Variants in ZC3H18 observed in about 807,000 individuals in gnomAD.
ZC3H18 encodes zinc finger CCCH domain-containing protein 18.
A neutral mutation model predicts 106.1 loss-of-function variants in ZC3H18; 8 were observed. That is an observed-to-expected ratio of 0.08 (90% CI 0.04 to 0.14). The LOEUF (loss-of-function observed/expected upper bound fraction) is 0.14, where lower values mean the gene tolerates loss of function less well. ZC3H18 is among the 10% of genes least tolerant of loss of function. The pLI, the probability that ZC3H18 is intolerant of heterozygous loss-of-function variation, is 1.00. For missense variants in ZC3H18, 1,318 were observed against 1,278.4 expected (o/e 1.03, Z -0.47); for synonymous variants, 635 against 522.1 (o/e 1.22, Z -2.95).
At position 88,612,895 on chromosome 16, in the gene ZC3H18, C is replaced by T. The variant is rs1003994007; in HGVS notation, c.1475+1359C>T. Among the ~76,000 whole-genome samples, 9 of 152,068 alleles carry T rather than the reference C, an allele frequency of 5.9e-5. No individual in the cohort carries two copies. In the East Asian group the frequency reaches 7.7e-4, roughly 13 times the overall value. On this transcript the variant is annotated intron_variant, in intron 8 of 17. Coordinates refer to ENST00000301011, the MANE Select transcript of ZC3H18 (RefSeq NM_144604.4). The stretch of plus-strand genomic sequence containing the variant: ...GTGCACCACTGTGGTCCCAGCTACT[C>T]GGGAGGCTAATACGGGAGGATCACT...
At chr16:88,593,601 G>A (rs918399374) in intron 3 of ZC3H18, among the ~76,000 whole-genome samples, 4 of 152,200 alleles carry the variant, frequency 2.6e-5, no homozygotes, top group East Asian at 1.9e-4. Flanking sequence ...AGCCCCTGCC[G>A]GCACCCAAGT....
At chr16:88,626,894 T>C (rs11648195) in intron 13 of ZC3H18, among the ~76,000 whole-genome samples, 1 of 152,196 alleles carries the variant, frequency 6.6e-6, no homozygotes, top group South Asian at 2.1e-4. Context: ...GTCTGCCGTG[T>C]GTTCCTCAGG....
chr16:88,591,787 T>A (rs977098568), intron 3 of ZC3H18, among the ~76,000 whole-genome samples: 4 of 152,250 alleles, frequency 2.6e-5, no homozygotes, highest in Admixed American at 6.5e-5. Context: ...GGTGGTTGTG[T>A]GTTTCATCTT....
At position 88,631,834 on chromosome 16, in the gene ZC3H18, G is replaced by GT; in HGVS notation, c.*539dup. 3.5e-6 allele frequency: 1 copy of GT among 288,516 alleles called. No homozygotes were observed. Among genetic ancestry groups the GT allele is most frequent in the South Asian group, 2.8e-5 (1 of 36,272 alleles). The allele number at this position is 288,516 out of a possible 1,614,324, so 17.9% of individuals were successfully genotyped here. On this transcript the variant is annotated 3_prime_UTR_variant, in exon 18 of 18. Transcript: ENST00000301011. The stretch of plus-strand genomic sequence containing the variant: ...TGTCTTTTATTTTAAGCATCAAATT[G>GT]TTTTAGTTGATTTAAAAAGGAAAAA...
At chr16:88,609,632 C>T (rs1192927559) in intron 7 of ZC3H18, among the ~76,000 whole-genome samples, 1 of 151,994 alleles carries the variant, frequency 6.6e-6, no homozygotes, top group Non-Finnish European at 1.5e-5. Flanking sequence ...CGGAGTTTAA[C>T]TCTGTCACCC....
At chr16:88,625,907 A>G (rs1906281190) in intron 13 of ZC3H18, 1 of 139,334 alleles carries the variant, frequency 7.2e-6, no homozygotes, top group African/African-American at 2.8e-5. Context: ...CAATGGCGCG[A>G]TCTCGCTACC....
chr16:88,623,402 C>A, intron 10 of ZC3H18, 58 bp downstream of exon 10: 1 of 1,591,904 alleles, frequency 6.3e-7, no homozygotes, highest in Non-Finnish European at 8.5e-7. Context: ...AGGGCACCTG[C>A]GGATGTGGCT....
intron 2 of ZC3H18, 147 bp from the exon 3 acceptor site, chr16:88,586,453 G>A (rs934208008): frequency 7.3e-6 from 5 of 689,534 alleles, no homozygotes; most frequent in African/African-American, 5.3e-5. Context: ...GTAGATCTGG[G>A]ACCTAAGATT....
chr16:88,575,036 A>G (rs1234869954), intron 1 of ZC3H18, among the ~76,000 whole-genome samples: 1 of 150,516 alleles, frequency 6.6e-6, no homozygotes, highest in Non-Finnish European at 1.5e-5. Flanking sequence ...TCACCGTGTT[A>G]GCCAGGATGG....
At chr16:88,615,993 C>G (rs973269839) in intron 8 of ZC3H18, among the ~76,000 whole-genome samples, 2 of 152,212 alleles carry the variant, frequency 1.3e-5, no homozygotes, top group Non-Finnish European at 2.9e-5. Flanking sequence ...AGGGCAGATT[C>G]CCGACTGCTG....
rs60956996 is a variant in ZC3H18, at chr16:88,580,882, T to G, written c.603+3156T>G. Among the ~76,000 whole-genome samples, 1,154 of 152,338 alleles carry G rather than the reference T, an allele frequency of 7.6e-3. 24 individuals are homozygous for G. The highest frequency in any genetic ancestry group is 0.027 in the African/African-American group (1,107 of 41,574). On this transcript the variant is annotated intron_variant, in intron 2 of 17. Transcript: ENST00000301011. Reference sequence around the variant, plus strand: ...AGTAGAGCCCTGGTGTCACGTCTACTACCCAGATGTTTCTCTGTGGAAGAA... The same window carrying G: ...AGTAGAGCCCTGGTGTCACGTCTACGACCCAGATGTTTCTCTGTGGAAGAA...
intron 16 of ZC3H18, chr16:88,630,274 A>G (rs1906579698): frequency 1.2e-5 from 6 of 508,984 alleles, no homozygotes; most frequent in Non-Finnish European, 2.1e-5. Context: ...CCTGGGGCCC[A>G]GGTTTGGCCT....
chr16:88,628,942 A>G (rs1906493631), intron 16 of ZC3H18, 88 bp downstream of exon 16: 11 of 1,348,360 alleles, frequency 8.2e-6, no homozygotes, highest in Non-Finnish European at 1.0e-5. Context: ...ATTGCTCTTA[A>G]CAAGTAGGAG....
intron 3 of ZC3H18, among the ~76,000 whole-genome samples, chr16:88,593,098 C>A (rs930721835): frequency 2.0e-5 from 3 of 152,188 alleles, no homozygotes; most frequent in African/African-American, 7.2e-5. Context: ...AATGTGATCT[C>A]TCAAAAGAGC....
intron 6 of ZC3H18, among the ~76,000 whole-genome samples, chr16:88,605,425 G>T (rs917878017): frequency 6.6e-6 from 1 of 152,256 alleles, no homozygotes; most frequent in African/African-American, 2.4e-5. Flanking sequence ...CTGGGTTGGG[G>T]TGAGGGCAAG....
intron 3 of ZC3H18, chr16:88,587,651 A>G: frequency 6.6e-7 from 1 of 1,504,872 alleles, no homozygotes; most frequent in East Asian, 2.5e-5. Context: ...TCAGTACCTT[A>G]AAGTCCCCCT....
chr16:88,624,587 C>T lies in ZC3H18; in HGVS notation c.1899-15C>T, dbSNP rs1236568203. 2.5e-6 allele frequency: 4 copies of T among 1,613,558 alleles called. No homozygotes were observed. Reference sequence around the variant, plus strand: ...TCCACCAGCCCTGCCCTGCTCGAGCCTCCCTGTCTCACAGAGAGAAGTCAG... The same window carrying T: ...TCCACCAGCCCTGCCCTGCTCGAGCTTCCCTGTCTCACAGAGAGAAGTCAG... On this transcript the variant is annotated splice_polypyrimidine_tract_variant and intron_variant, in intron 11 of 17. Transcript: ENST00000301011.
At chr16:88,604,471 G>T (rs767294979) in intron 6 of ZC3H18, among the ~76,000 whole-genome samples, 37 of 152,166 alleles carry the variant, frequency 2.4e-4, no homozygotes, top group Non-Finnish European at 4.0e-4. Flanking sequence ...CAGATCACAG[G>T]GTCAGGAGAT....
At chr16:88,574,239 C>T (rs1914593767) in intron 1 of ZC3H18, among the ~76,000 whole-genome samples, 2 of 151,914 alleles carry the variant, frequency 1.3e-5, no homozygotes, top group Admixed American at 1.3e-4. Flanking sequence ...CGGAGTCTCG[C>T]TTAGCCACCA....
Sources: allele counts gnomAD v4.1 joint callset (sites outside exome capture counted in the v4.1 genomes callset), GRCh38; gene constraint gnomAD v4.1.1; transcripts MANE v1.5; gene names NCBI Gene and HGNC (gene_info 2026-07-23, HGNC 2026-07-21).